The following PI4K2A variants were observed in gnomAD, a reference collection of about 807,000 sequenced individuals.
PI4K2A encodes the protein phosphatidylinositol 4-kinase type 2-alpha.
Under a neutral mutation model 55.0 loss-of-function variants are expected in PI4K2A, and 20 were observed. The observed-to-expected ratio is 0.36, with a 90% confidence interval of 0.26 to 0.53. The LOEUF is 0.53. PI4K2A is among the 20% of genes least tolerant of loss of function. The pLI, the probability that PI4K2A is intolerant of heterozygous loss-of-function variation, is 0.91. For synonymous variants in PI4K2A, 235 were observed against 258.5 expected (o/e 0.91, Z 0.87); for missense variants, 463 against 637.1 (o/e 0.73, Z 2.94).
Position 97,642,924 on chromosome 10 carries a change from C to CCTTCCTTT in PI4K2A, c.435+1750_435+1751insCCTTTCTT, listed in dbSNP as rs1554878143. 1.6e-3 allele frequency among the ~76,000 whole-genome samples: 184 copies of CCTTCCTTT among 113,592 alleles called. 1 individual carries two copies. Among genetic ancestry groups the CCTTCCTTT allele is most frequent in the Non-Finnish European group, 2.4e-3 (132 of 55,002 alleles). The allele number at this position is 113,592 out of a possible 152,430, so 74.5% of individuals were successfully genotyped here. A position where few individuals can be genotyped will look rare whatever the true frequency, so the allele number is the denominator to read the frequency against. ...TCCTTCCTTCCTTCCTTCCTTCCTT[C>CCTTCCTTT]CTTTCTTTCCTTTCTTTCTTTCTCT... On this transcript the variant is annotated intron_variant, in intron 1 of 8. Transcript: ENST00000370631.
intron 5 of PI4K2A, 30 bp downstream of exon 5, chr10:97,662,998 A>T (rs1332982969): frequency 2.9e-6 from 4 of 1,392,950 alleles, no homozygotes; most frequent in Non-Finnish European, 4.1e-6. Context: ...CTTAAAGAGA[A>T]TGAAGAGTAT....
At chr10:97,642,397 C>CT (rs72294580) in intron 1 of PI4K2A, among the ~76,000 whole-genome samples, 106 of 144,564 alleles carry the variant, frequency 7.3e-4, no homozygotes, top group African/African-American at 1.6e-3. Context: ...GTTTCTTTTT[C>CT]TTTTTTTTTT....
chr10:97,675,724 T>C (rs1015013251), exon 9 of PI4K2A: 1 of 152,842 alleles, frequency 6.5e-6, no homozygotes, highest in African/African-American at 2.4e-5. Context: ...GGGTCCAGTG[T>C]AGGAGAGAGC....
rs761810814 is a variant in PI4K2A, at chr10:97,662,874, C to G, written c.923-33C>G. The G allele has an allele frequency of 6.7e-6, 10 of 1,498,622 alleles. 1 individual carries two copies. The South Asian group carries it at 1.0e-4, about 15-fold the overall frequency. The allele number at this position is 1,498,622 out of a possible 1,614,324, so 92.8% of individuals were successfully genotyped here. A position where few individuals can be genotyped will look rare whatever the true frequency, so the allele number is the denominator to read the frequency against. ...TTACAAAAATGGAAAATCATCCCCC[C>G]TTTTTCTGCTAACTTTATATTTCTG... On this transcript the variant is annotated intron_variant, in intron 4 of 8. Coordinates refer to ENST00000370631, the Ensembl canonical transcript of PI4K2A.
chr10:97,656,202 C>A lies in PI4K2A; in HGVS notation c.637-83C>A. 2 of 1,135,436 alleles carry A rather than the reference C, an allele frequency of 1.8e-6. No individual in the cohort carries two copies. Among genetic ancestry groups the A allele is most frequent in the Non-Finnish European group, 2.6e-6 (2 of 766,876 alleles). The allele number at this position is 1,135,436 out of a possible 1,614,324, so 70.3% of individuals were successfully genotyped here. On this transcript the variant is annotated intron_variant, in intron 2 of 8. Transcript: ENST00000370631. This position sits in a 1 kb window ranked among gnomAD's most constrained non-coding sequence, Gnocchi z 4.5. ...CTGGAAGAGGAATAGGATTTGTGAA[C>A]ATCAAGCTATTTATTCTCTGCCATA...
At chr10:97,657,895 G>A (rs1383105943) in intron 4 of PI4K2A, among the ~76,000 whole-genome samples, 1 of 124,182 alleles carries the variant, frequency 8.1e-6, no homozygotes, top group Non-Finnish European at 1.9e-5. Context: ...GAGTGCAATG[G>A]TGCGATCTCA....
At position 97,664,838 on chromosome 10, in the gene PI4K2A, T is replaced by G. The variant is rs78776357; in HGVS notation, c.985-47T>G. 2,056 of 1,312,130 alleles carry G rather than the reference T, an allele frequency of 1.6e-3. 29 individuals are homozygous for G. In the African/African-American group the frequency reaches 0.027, roughly 17 times the overall value. 81.3% of individuals were successfully genotyped at this position (1,312,130 alleles called of 1,614,324 possible). A position where few individuals can be genotyped will look rare whatever the true frequency, so the allele number is the denominator to read the frequency against. On this transcript the variant is annotated intron_variant, in intron 5 of 8. Coordinates refer to ENST00000370631, the Ensembl canonical transcript of PI4K2A. ...TGCTTTGCTACTAATTGGAAGGGCCTGAGGGAGATGGGTTTCCTCAGTCAT... is the reference window on the plus strand; with the variant it reads ...TGCTTTGCTACTAATTGGAAGGGCCGGAGGGAGATGGGTTTCCTCAGTCAT...
At chr10:97,642,829 TC>T (rs2041478852) in intron 1 of PI4K2A, among the ~76,000 whole-genome samples, 1 of 4,146 alleles carries the variant, frequency 2.4e-4, no homozygotes. Flanking sequence ...CTTCCTTCCT[TC>T]CTTCCTTCCT....
chr10:97,667,624 C>G (rs980210563), intron 8 of PI4K2A, among the ~76,000 whole-genome samples: 2 of 152,190 alleles, frequency 1.3e-5, no homozygotes, highest in African/African-American at 4.8e-5. Context: ...GTATCCAGTG[C>G]TTGTTGAAGC....
chr10:97,644,528 G>T (rs1266960208), intron 1 of PI4K2A, among the ~76,000 whole-genome samples: 2 of 152,194 alleles, frequency 1.3e-5, no homozygotes, highest in African/African-American at 2.4e-5. Flanking sequence ...CTCAGGGCTG[G>T]CATGACATTT....
Position 97,656,755 on chromosome 10 carries a change from T to C in PI4K2A, c.769-66T>C. On this transcript the variant is annotated intron_variant, in intron 3 of 8. Coordinates refer to ENST00000370631, the Ensembl canonical transcript of PI4K2A. The surrounding 1 kb of genome is among the most constrained non-coding windows in gnomAD (Gnocchi z 4.5). Reference sequence around the variant, plus strand: ...ATAGGGCCTTAATGGGTATCTGGCATATACTCCAAAGGTCTTTGGATTTGG... The same window carrying C: ...ATAGGGCCTTAATGGGTATCTGGCACATACTCCAAAGGTCTTTGGATTTGG... 2.0e-6 allele frequency: 3 copies of C among 1,475,274 alleles called. No individual in the cohort carries two copies. Among genetic ancestry groups the C allele is most frequent in the Non-Finnish European group, 2.8e-6 (3 of 1,058,742 alleles). 91.4% of individuals were successfully genotyped at this position (1,475,274 alleles called of 1,614,324 possible).
chr10:97,642,948 CTT>C (rs1378666307), intron 1 of PI4K2A, among the ~76,000 whole-genome samples: 2 of 144,100 alleles, frequency 1.4e-5, no homozygotes, highest in Non-Finnish European at 3.0e-5. Context: ...CTTTCTTTCT[CTT>C]TCTTTCTTTT....
At chr10:97,654,768 A>C (rs2041544292) in intron 2 of PI4K2A, among the ~76,000 whole-genome samples, 1 of 151,988 alleles carries the variant, frequency 6.6e-6, no homozygotes, top group South Asian at 2.1e-4. Flanking sequence ...TAAGTGTGAC[A>C]ATAGATGCAT....
rs569411508 is a variant in PI4K2A at position 97,672,337 on chromosome 10, G to A, written c.1279-1244G>A. Among the ~76,000 whole-genome samples, 21 of 152,138 alleles carry A rather than the reference G, an allele frequency of 1.4e-4. No homozygotes were observed. The East Asian group carries it at 3.3e-3, about 24-fold the overall frequency. On this transcript the variant is annotated intron_variant, in intron 8 of 8. Coordinates refer to ENST00000370631, the Ensembl canonical transcript of PI4K2A. ...ATTACAGACATGAGCCACTACGCCCGGACCAAAACCACCTATAATTTCTTG... is the reference window on the plus strand; with the variant it reads ...ATTACAGACATGAGCCACTACGCCCAGACCAAAACCACCTATAATTTCTTG...
At chr10:97,664,923 G>T in exon 6 of PI4K2A, 1 of 1,614,054 alleles carries the variant, frequency 6.2e-7, no homozygotes, top group Non-Finnish European at 8.5e-7. Context: ...CTGTTATCAA[G>T]GTGGCTGCCA....
chr10:97,642,093 A>G (rs2041472648), intron 1 of PI4K2A, among the ~76,000 whole-genome samples: 1 of 152,038 alleles, frequency 6.6e-6, no homozygotes, highest in Non-Finnish European at 1.5e-5. Context: ...CATTGGAAAG[A>G]TGTATTGTTA....
chr10:97,676,404 G>C (rs2041664826), exon 9 of PI4K2A: 1 of 152,172 alleles, frequency 6.6e-6, no homozygotes, highest in Non-Finnish European at 1.5e-5. Flanking sequence ...TACTTCCTAA[G>C]AGCCAAAAAT....
intron 6 of PI4K2A, 145 bp from the exon 7 acceptor site, chr10:97,666,293 A>C (rs980554786): frequency 3.0e-6 from 2 of 676,440 alleles, no homozygotes; most frequent in Admixed American, 2.9e-5. Flanking sequence ...TAACCTTTAC[A>C]GTTAAGAGCA....
chr10:97,647,529 G>T (rs1298562502), intron 1 of PI4K2A, among the ~76,000 whole-genome samples: 1 of 152,204 alleles, frequency 6.6e-6, no homozygotes, highest in Non-Finnish European at 1.5e-5. Flanking sequence ...TTAGGCCAGA[G>T]GGTATTTTAC....
Sources: gnomAD v4.1 joint callset for allele counts (sites outside exome capture counted in the v4.1 genomes callset) on GRCh38, gnomAD v4.1.1 for gene constraint, Gnocchi (gnomAD v3.1) non-coding constraint, MANE v1.5 for transcripts, NCBI Gene and HGNC (gene_info 2026-07-23, HGNC 2026-07-21) for gene names.